The following ASAP2 variants were observed in gnomAD, a reference collection of about 807,000 sequenced individuals.
ASAP2 encodes arf-GAP with SH3 domain, ANK repeat and PH domain-containing protein 2.
A neutral mutation model predicts 131.4 loss-of-function variants in ASAP2; 45 were observed. The ratio of observed to expected loss-of-function variants is 0.34; its 90% CI spans 0.27 to 0.44. The LOEUF (loss-of-function observed/expected upper bound fraction) is 0.44. Ranked by LOEUF, ASAP2 falls within the 20% of genes least tolerant of loss-of-function variation. ASAP2 has a pLI of 1.00. For missense variants in ASAP2, 1,011 were observed against 1,297.0 expected (o/e 0.78, Z 3.39); for synonymous variants, 510 against 503.0 (o/e 1.01, Z -0.19).
intron 1 of ASAP2, among the ~76,000 whole-genome samples, chr2:9,235,425 T>C (rs1663479818): frequency 6.6e-6 from 1 of 152,184 alleles, no homozygotes; most frequent in Non-Finnish European, 1.5e-5. Flanking sequence ...TCCTCATGGC[T>C]TGCTGTTATT....
At chr2:9,351,242 A>C (rs1395097803) in intron 12 of ASAP2, among the ~76,000 whole-genome samples, 1 of 152,244 alleles carries the variant, frequency 6.6e-6, no homozygotes. Flanking sequence ...GAAGGAGGAC[A>C]ATTCTGTTTT....
chr2:9,216,302 T>TC (rs1662028714), intron 1 of ASAP2, among the ~76,000 whole-genome samples: 1 of 147,962 alleles, frequency 6.8e-6, no homozygotes, highest in African/African-American at 2.5e-5. Flanking sequence ...TTTTTTTTTT[T>TC]CTGAGACAGG....
chr2:9,341,534 A>G (rs1242933029), intron 9 of ASAP2, among the ~76,000 whole-genome samples: 1 of 152,186 alleles, frequency 6.6e-6, no homozygotes, highest in African/African-American at 2.4e-5. Flanking sequence ...CGCTCTGATT[A>G]ATATGCGCGG....
chr2:9,208,676 A>G (rs1344557701), intron 1 of ASAP2, among the ~76,000 whole-genome samples: 1 of 152,340 alleles, frequency 6.6e-6, no homozygotes, highest in South Asian at 2.1e-4. Flanking sequence ...ACTTAATTCT[A>G]CTTTTAGCAG....
chr2:9,241,965 A>G (rs1572231685), intron 1 of ASAP2, among the ~76,000 whole-genome samples: 1 of 137,858 alleles, frequency 7.3e-6, no homozygotes, highest in East Asian at 1.9e-4. Context: ...AGGCGGACAC[A>G]TGTGAATTTC....
chr2:9,210,618 G>T (rs1421090635), intron 1 of ASAP2, among the ~76,000 whole-genome samples: 1 of 151,486 alleles, frequency 6.6e-6, no homozygotes, highest in Non-Finnish European at 1.5e-5. Flanking sequence ...GCAGTGGCTC[G>T]ATCCCCACTC....
intron 20 of ASAP2, among the ~76,000 whole-genome samples, chr2:9,381,505 CA>C (rs2148744662): frequency 6.6e-6 from 1 of 152,318 alleles, no homozygotes; most frequent in Admixed American, 6.5e-5. Context: ...GAGGCTAAGG[CA>C]GGGGATGATG....
At chr2:9,234,629 A>G (rs1663410361) in intron 1 of ASAP2, among the ~76,000 whole-genome samples, 1 of 151,782 alleles carries the variant, frequency 6.6e-6, no homozygotes, top group Non-Finnish European at 1.5e-5. Context: ...GTGGATCCAG[A>G]AGCTGGGCTG....
intron 11 of ASAP2, among the ~76,000 whole-genome samples, chr2:9,348,500 G>A (rs892754994): frequency 6.6e-6 from 1 of 152,162 alleles, no homozygotes; most frequent in African/African-American, 2.4e-5. Context: ...TTTTCTAATA[G>A]CTTTACTGTT....
Position 9,295,644 on chromosome 2 carries a change from G to A in ASAP2, c.200-1656G>A, listed in dbSNP as rs140693928. 2.6e-5 allele frequency among the ~76,000 whole-genome samples: 4 copies of A among 152,308 alleles called. No homozygotes were observed. In the East Asian group the frequency reaches 5.8e-4, roughly 22 times the overall value. ...CTTCTGAGGGCTCCTGAGGAGCTGC[G>A]TTTGCGGGTGTGTGTGTGTGCACAT... is the stretch of plus-strand genomic sequence containing the variant. On this transcript the variant is annotated intron_variant, in intron 2 of 27. Transcript: ENST00000281419.
intron 1 of ASAP2, among the ~76,000 whole-genome samples, chr2:9,244,085 C>A (rs1329790576): frequency 2.0e-5 from 3 of 152,094 alleles, no homozygotes; most frequent in Admixed American, 1.3e-4. Context: ...GGCCTATAAT[C>A]CTAGCACTTT....
rs377103805 is a variant in ASAP2 at position 9,306,715 on chromosome 2, A to C, written c.345+9270A>C. ...GAGGGAATTGTCAGCGAATTGATAG[A>C]AATTCAGCATGTGCTTGTTTGCATT... On this transcript the variant is annotated intron_variant, in intron 3 of 27. Coordinates refer to ENST00000281419, the MANE Select transcript of ASAP2 (RefSeq NM_003887.3). 5.8e-4 allele frequency among the ~76,000 whole-genome samples: 88 copies of C among 152,132 alleles called. No individual in the cohort carries two copies. The South Asian group carries it at 0.018, about 31-fold the overall frequency.
chr2:9,249,066 G>C (rs146221000), intron 1 of ASAP2, among the ~76,000 whole-genome samples: 1 of 152,334 alleles, frequency 6.6e-6, no homozygotes, highest in African/African-American at 2.4e-5. Flanking sequence ...CAAATTGCAT[G>C]TTTTGTGGCT....
chr2:9,387,507 A>G (rs1675372792), intron 21 of ASAP2, among the ~76,000 whole-genome samples: 1 of 152,164 alleles, frequency 6.6e-6, no homozygotes, highest in Non-Finnish European at 1.5e-5. Context: ...ATGGGAGGAA[A>G]ACATCGATCT....
chr2:9,270,833 C>T (rs1488939013), intron 1 of ASAP2, among the ~76,000 whole-genome samples: 3 of 131,272 alleles, frequency 2.3e-5, no homozygotes, highest in Non-Finnish European at 3.2e-5. Context: ...CGCTCCGTCG[C>T]CCAGGCTGGA....
intron 1 of ASAP2, among the ~76,000 whole-genome samples, chr2:9,264,341 TG>T (rs898545818): frequency 1.3e-5 from 2 of 152,272 alleles, no homozygotes; most frequent in South Asian, 2.1e-4. Flanking sequence ...TTCCAGAGAC[TG>T]GGGGGGCCCG....
intron 9 of ASAP2, among the ~76,000 whole-genome samples, chr2:9,341,156 C>A (rs1200936335): frequency 1.3e-5 from 2 of 152,076 alleles, no homozygotes; most frequent in Non-Finnish European, 2.9e-5. Context: ...GGTTCTTTTT[C>A]CTTGCATAGT....
At chr2:9,236,072 C>T (rs907833854) in intron 1 of ASAP2, among the ~76,000 whole-genome samples, 2 of 152,070 alleles carry the variant, frequency 1.3e-5, no homozygotes, top group South Asian at 2.1e-4. Context: ...CAAGTGTGTC[C>T]GGGCCTGATG....
intron 3 of ASAP2, among the ~76,000 whole-genome samples, chr2:9,301,338 A>G (rs1481534217): frequency 6.6e-6 from 1 of 152,234 alleles, no homozygotes; most frequent in Non-Finnish European, 1.5e-5. Context: ...TGAGATTCTC[A>G]CCTGCAGAAG....
Sources: gnomAD v4.1 joint callset for allele counts (sites outside exome capture counted in the v4.1 genomes callset) on GRCh38, gnomAD v4.1.1 for gene constraint, MANE v1.5 for transcripts, NCBI Gene and HGNC (gene_info 2026-07-23, HGNC 2026-07-21) for gene names.